Variants in LDLRAD4 observed in about 807,000 individuals in gnomAD.
LDLRAD4 encodes the protein low density lipoprotein receptor class A domain containing 4, also known as low-density lipoprotein receptor class A domain-containing protein 4.
Under a neutral mutation model 17.0 loss-of-function variants are expected in LDLRAD4, and 5 were observed. The ratio of observed to expected loss-of-function variants is 0.29; its 90% CI spans 0.15 to 0.62. The LOEUF (loss-of-function observed/expected upper bound fraction) is 0.62, where lower values mean the gene tolerates loss of function less well. LDLRAD4 is among the 20% of genes least tolerant of loss of function. The pLI is 0.84. For synonymous variants in LDLRAD4, 168 were observed against 171.8 expected (o/e 0.98, Z 0.17); for missense variants, 340 against 424.7 (o/e 0.80, Z 1.75).
chr18:13,560,527 G>C (rs1472674095), intron 3 of LDLRAD4, among the ~76,000 whole-genome samples: 1 of 152,240 alleles, frequency 6.6e-6, no homozygotes, highest in Admixed American at 6.5e-5. Flanking sequence ...TTGCCCTTCA[G>C]ATGACCTGGT....
intron 2 of LDLRAD4, among the ~76,000 whole-genome samples, chr18:13,407,184 G>A (rs1028318636): frequency 1.3e-5 from 2 of 152,156 alleles, no homozygotes; most frequent in African/African-American, 4.8e-5. Context: ...ATGAGTGTGC[G>A]ACACTGCTGG....
At chr18:13,280,627 G>GA (rs1462533047) in intron 1 of LDLRAD4, among the ~76,000 whole-genome samples, 1 of 152,226 alleles carries the variant, frequency 6.6e-6, no homozygotes, top group Non-Finnish European at 1.5e-5. Context: ...TGTGGGCAAA[G>GA]AAATCGTTAA....
At chr18:13,633,262 CG>C (rs1480246249) in intron 4 of LDLRAD4, among the ~76,000 whole-genome samples, 3 of 152,244 alleles carry the variant, frequency 2.0e-5, no homozygotes, top group Non-Finnish European at 4.4e-5. Flanking sequence ...GGTCCATGGA[CG>C]GCCACAGGCA....
At chr18:13,275,146 G>A (rs929697138), upstream of LDLRAD4, among the ~76,000 whole-genome samples, 2 of 152,164 alleles carry the variant, frequency 1.3e-5, no homozygotes, top group Non-Finnish European at 2.9e-5. Context: ...TACAGGTTTT[G>A]TCACTTTAGT....
At chr18:13,275,412 C>T (rs1428467036), upstream of LDLRAD4, among the ~76,000 whole-genome samples, 2 of 152,112 alleles carry the variant, frequency 1.3e-5, no homozygotes, top group Non-Finnish European at 2.9e-5. Context: ...GAACATGAAG[C>T]CAAATATCTT....
chr18:13,408,714 A>T (rs1256895246), intron 2 of LDLRAD4, among the ~76,000 whole-genome samples: 2 of 151,738 alleles, frequency 1.3e-5, no homozygotes, highest in African/African-American at 4.8e-5. Context: ...CTCGTGATCC[A>T]CCCACCTCAG....
chr18:13,642,141 A>G (rs2042628132), intron 4 of LDLRAD4: 16 of 985,362 alleles, frequency 1.6e-5, no homozygotes, highest in Non-Finnish European at 1.9e-5. Context: ...TACGTTTGCC[A>G]CTGATTCCAG....
At chr18:13,295,396 G>A (rs563893809) in intron 1 of LDLRAD4, among the ~76,000 whole-genome samples, 50 of 152,300 alleles carry the variant, frequency 3.3e-4, no homozygotes, top group African/African-American at 1.1e-3. Flanking sequence ...CTGTGCCCGA[G>A]CCCAGGGAAT....
rs111904096 is a variant in LDLRAD4 at position 13,535,431 on chromosome 18, A to G, written c.182-85686A>G. 8.5e-5 allele frequency among the ~76,000 whole-genome samples: 13 copies of G among 152,202 alleles called. 1 individual carries two copies. The highest frequency in any genetic ancestry group is 3.1e-4 in the African/African-American group (13 of 41,502). The stretch of plus-strand genomic sequence containing the variant: ...TCCCTCATGACTAGTGATGTTGAGC[A>G]TCTCTTTATGTCCCTCTTGCTTATC... On this transcript the variant is annotated intron_variant, in intron 3 of 5. Transcript: ENST00000359446.
intron 3 of LDLRAD4, chr18:13,611,578 G>GC (rs992444475): frequency 1.8e-5 from 18 of 985,212 alleles, no homozygotes; most frequent in Non-Finnish European, 2.2e-5. Context: ...AGGAGAAAGC[G>GC]CCCTCCTGAG....
At chr18:13,612,583 C>T in intron 3 of LDLRAD4, 1 of 1,529,616 alleles carries the variant, frequency 6.5e-7, no homozygotes, top group South Asian at 1.3e-5. Context: ...CTCCCACACC[C>T]CATGCCAGCT....
At chr18:13,426,219 A>T (rs1433340622) in intron 2 of LDLRAD4, 1 of 152,224 alleles carries the variant, frequency 6.6e-6, no homozygotes, top group Admixed American at 6.5e-5. Flanking sequence ...CTGTTTGTTG[A>T]CCACGTTATT....
intron 2 of LDLRAD4, among the ~76,000 whole-genome samples, chr18:13,423,393 TGAGGCAA>T (rs1784278430): frequency 1.3e-5 from 2 of 151,754 alleles, no homozygotes; most frequent in South Asian, 4.2e-4. Context: ...CTTAGGAAGC[TGAGGCAA>T]GAGAATCTCT....
At chr18:13,624,740 G>A (rs2040969672) in intron 4 of LDLRAD4, among the ~76,000 whole-genome samples, 1 of 152,214 alleles carries the variant, frequency 6.6e-6, no homozygotes, top group Non-Finnish European at 1.5e-5. Context: ...CCCTCCCAAG[G>A]GGCTTGGAAG....
chr18:13,647,438 G>T (rs2043056106), exon 6 of LDLRAD4: 1 of 152,226 alleles, frequency 6.6e-6, no homozygotes, highest in South Asian at 2.1e-4. Context: ...CTGGAATGAT[G>T]ATTCCATGAC....
chr18:13,235,578 G>GA (rs1323926164), intron 1 of LDLRAD4, among the ~76,000 whole-genome samples: 1 of 152,202 alleles, frequency 6.6e-6, no homozygotes, highest in Non-Finnish European at 1.5e-5. Flanking sequence ...GGAAGAAGGA[G>GA]AAAAAACTGA....
At chr18:13,414,260 G>A (rs2145744225) in intron 2 of LDLRAD4, among the ~76,000 whole-genome samples, 1 of 152,342 alleles carries the variant, frequency 6.6e-6, no homozygotes, top group Middle Eastern at 3.4e-3. Flanking sequence ...CCCCACCATT[G>A]CTTGGCTTTG....
At chr18:13,254,346 A>G (rs1598921340) in intron 1 of LDLRAD4, among the ~76,000 whole-genome samples, 1 of 152,112 alleles carries the variant, frequency 6.6e-6, no homozygotes, top group East Asian at 1.9e-4. Context: ...TTGGGGAGCC[A>G]TTGGAGTGTT....
intron 1 of LDLRAD4, among the ~76,000 whole-genome samples, chr18:13,237,286 A>G (rs2042384865): frequency 6.6e-6 from 1 of 152,100 alleles, no homozygotes; most frequent in Admixed American, 6.5e-5. Flanking sequence ...TAAGTGCATC[A>G]CCCCACGTCC....
Sources: allele counts gnomAD v4.1 joint callset (sites outside exome capture counted in the v4.1 genomes callset), GRCh38; gene constraint gnomAD v4.1.1; transcripts MANE v1.5; gene names NCBI Gene and HGNC (gene_info 2026-07-23, HGNC 2026-07-21).